Variants in MAST4 observed in about 807,000 individuals in gnomAD.
MAST4 encodes microtubule associated serine/threonine kinase family member 4, also known as microtubule-associated serine/threonine-protein kinase 4.
A neutral mutation model predicts 162.7 loss-of-function variants in MAST4; 89 were observed. The ratio of observed to expected loss-of-function variants is 0.55; its 90% CI spans 0.46 to 0.65. The LOEUF (loss-of-function observed/expected upper bound fraction) is 0.65. MAST4 is among the 30% of genes least tolerant of loss of function. MAST4 has a pLI of 0.00. For missense variants in MAST4, 3,153 were observed against 3,374.0 expected (o/e 0.93, Z 1.62); for synonymous variants, 1,479 against 1,361.1 (o/e 1.09, Z -1.91).
chr5:66,631,694 C>A (rs548454721), intron 1 of MAST4, among the ~76,000 whole-genome samples: 3 of 152,018 alleles, frequency 2.0e-5, no homozygotes, highest in Non-Finnish European at 4.4e-5. Flanking sequence ...AAAAGCTTGC[C>A]CTATATATAA....
intron 17 of MAST4, 29 bp from the exon 18 acceptor site, chr5:67,134,494 A>C (rs368465778): frequency 2.7e-5 from 43 of 1,594,054 alleles, no homozygotes; most frequent in Non-Finnish European, 3.6e-5. Flanking sequence ...TAATATTCCA[A>C]TTATTCTAAT....
At chr5:66,678,509 T>C (rs1237551656) in intron 1 of MAST4, among the ~76,000 whole-genome samples, 1 of 152,002 alleles carries the variant, frequency 6.6e-6, no homozygotes, top group Non-Finnish European at 1.5e-5. Flanking sequence ...ATTTTTTTTT[T>C]TTTTGAGATG....
At chr5:66,861,804 T>C (rs1760136840) in intron 3 of MAST4, among the ~76,000 whole-genome samples, 1 of 152,206 alleles carries the variant, frequency 6.6e-6, no homozygotes, top group Admixed American at 6.5e-5. Flanking sequence ...TTTATCCATA[T>C]ACCCCACCCT....
chr5:66,616,290 C>T (rs1743677699), intron 1 of MAST4, among the ~76,000 whole-genome samples: 1 of 152,170 alleles, frequency 6.6e-6, no homozygotes, highest in Admixed American at 6.5e-5. Context: ...ACCTCCCAAG[C>T]AGCCCCTACC....
chr5:67,099,472 A>G (rs1764792946), intron 7 of MAST4, among the ~76,000 whole-genome samples: 2 of 152,114 alleles, frequency 1.3e-5, no homozygotes, highest in South Asian at 4.1e-4. Context: ...TTCAGTATTT[A>G]TGAAGGATAC....
chr5:66,935,674 C>CTTT (rs113432423), intron 4 of MAST4, among the ~76,000 whole-genome samples: 11 of 132,612 alleles, frequency 8.3e-5, no homozygotes, highest in African/African-American at 2.6e-4. Flanking sequence ...TTCTTTCTTT[C>CTTT]TTTTTTTTTT....
chr5:66,746,629 G>A (rs1752775096), intron 1 of MAST4, among the ~76,000 whole-genome samples: 1 of 152,188 alleles, frequency 6.6e-6, no homozygotes, highest in Non-Finnish European at 1.5e-5. Context: ...TGATGGGTGA[G>A]CAGTATATTC....
chr5:66,778,852 T>C (rs1754721401), intron 2 of MAST4, among the ~76,000 whole-genome samples: 1 of 152,222 alleles, frequency 6.6e-6, no homozygotes, highest in African/African-American at 2.4e-5. Context: ...CCTTGATTTC[T>C]GTATTGTAGA....
rs1157331456 is a variant in MAST4, at chr5:66,686,023, G to T, written c.364-73686G>T. On this transcript the variant is annotated intron_variant, in intron 1 of 28. Coordinates refer to ENST00000403625, the MANE Select transcript of MAST4 (RefSeq NM_001164664.2). The stretch of plus-strand genomic sequence containing the variant: ...CAGGAGGTGGAGTTCAGACGGTAAT[G>T]CTTGCTCACCTGTTGCTCACCTCCT... Among the ~76,000 whole-genome samples the T allele has an allele frequency of 4.6e-5, 7 of 152,138 alleles. No individual in the cohort carries two copies. The South Asian group carries it at 8.3e-4, about 18-fold the overall frequency.
At chr5:66,995,914 A>ACACACACAC (rs1750584503) in intron 4 of MAST4, among the ~76,000 whole-genome samples, 4 of 138,998 alleles carry the variant, frequency 2.9e-5, no homozygotes, top group African/African-American at 1.2e-4. Context: ...CACACACACA[A>ACACACACAC]ACTTGTAAAA....
intron 3 of MAST4, among the ~76,000 whole-genome samples, chr5:66,868,567 C>T (rs1322399355): frequency 6.7e-6 from 1 of 150,002 alleles, no homozygotes; most frequent in Non-Finnish European, 1.5e-5. Context: ...AGGTATCAGT[C>T]ACATGGAGAA....
chr5:66,944,802 C>A (rs1743790824), intron 4 of MAST4, among the ~76,000 whole-genome samples: 1 of 152,146 alleles, frequency 6.6e-6, no homozygotes, highest in Non-Finnish European at 1.5e-5. Flanking sequence ...TGGCAGAATT[C>A]ATTTCCTTGC....
intron 2 of MAST4, among the ~76,000 whole-genome samples, chr5:66,760,093 T>G (rs1753771674): frequency 6.7e-6 from 1 of 150,016 alleles, no homozygotes; most frequent in African/African-American, 2.5e-5. Context: ...ATTTATTTAT[T>G]TATTTATTTA....
At chr5:66,826,301 A>G (rs1300951252) in intron 3 of MAST4, among the ~76,000 whole-genome samples, 1 of 152,112 alleles carries the variant, frequency 6.6e-6, no homozygotes, top group African/African-American at 2.4e-5. Context: ...TAATGGTGGA[A>G]CACTCACTTA....
chr5:67,120,314 AG>A (rs1168171628), intron 13 of MAST4, among the ~76,000 whole-genome samples: 1 of 152,240 alleles, frequency 6.6e-6, no homozygotes, highest in African/African-American at 2.4e-5. Context: ...GTGCCCACAC[AG>A]GGTTTCTTCC....
intron 4 of MAST4, among the ~76,000 whole-genome samples, chr5:67,024,745 A>C (rs1396389931): frequency 1.3e-5 from 2 of 152,136 alleles, no homozygotes; most frequent in East Asian, 1.9e-4. Context: ...TGTAAGAAGG[A>C]AAGGGATGAT....
intron 4 of MAST4, among the ~76,000 whole-genome samples, chr5:66,970,262 C>T (rs116158584): frequency 2.0e-5 from 3 of 152,192 alleles, no homozygotes; most frequent in Non-Finnish European, 2.9e-5. Flanking sequence ...GATGTGTGTG[C>T]GGTGCTCCAG....
intron 5 of MAST4, among the ~76,000 whole-genome samples, chr5:67,067,839 C>G (rs1282525559): frequency 6.6e-6 from 1 of 152,150 alleles, no homozygotes; most frequent in Non-Finnish European, 1.5e-5. Flanking sequence ...AGCCCCTACC[C>G]CACCTTTGCT....
At chr5:67,072,481 T>C (rs951672169) in intron 5 of MAST4, among the ~76,000 whole-genome samples, 2 of 152,204 alleles carry the variant, frequency 1.3e-5, no homozygotes, top group Non-Finnish European at 2.9e-5. Flanking sequence ...AGCATTTTGT[T>C]AAAATCTTTC....
Sources: gnomAD v4.1 joint callset for allele counts (sites outside exome capture counted in the v4.1 genomes callset) on GRCh38, gnomAD v4.1.1 for gene constraint, MANE v1.5 for transcripts, NCBI Gene and HGNC (gene_info 2026-07-23, HGNC 2026-07-21) for gene names.